The following VAPB variants were observed in gnomAD, a reference collection of about 807,000 sequenced individuals.
VAPB encodes the protein vesicle-associated membrane protein-associated protein B/C.
Under a neutral mutation model 25.6 loss-of-function variants are expected in VAPB, and 7 were observed. The observed-to-expected ratio is 0.27, with a 90% confidence interval of 0.16 to 0.51. The LOEUF (loss-of-function observed/expected upper bound fraction) is 0.51. Among genes scored for constraint, VAPB ranks in the 20% least tolerant of loss-of-function variants. The pLI is 0.97. For synonymous variants in VAPB, 112 were observed against 109.2 expected, an observed-to-expected ratio of 1.03 and a Z score of -0.16; for missense variants, 266 against 301.3, an observed-to-expected ratio of 0.88 and a Z score of 0.87.
chr20:58,435,323 A>G (rs1989018607), intron 3 of VAPB, among the ~76,000 whole-genome samples: 1 of 152,280 alleles, frequency 6.6e-6, no homozygotes, highest in African/African-American at 2.4e-5. Flanking sequence ...TTCCCTCCAA[A>G]ACGAGCTTTT....
At chr20:58,431,987 C>A (rs1189556046) in intron 2 of VAPB, among the ~76,000 whole-genome samples, 1 of 152,118 alleles carries the variant, frequency 6.6e-6, no homozygotes, top group Non-Finnish European at 1.5e-5. Context: ...AGTAAAGATT[C>A]TTTTCCTTTC....
intron 1 of VAPB, among the ~76,000 whole-genome samples, chr20:58,404,047 G>A (rs1228375008): frequency 6.6e-6 from 1 of 152,086 alleles, no homozygotes; most frequent in South Asian, 2.1e-4. Context: ...TTCCCTTCCA[G>A]ACTATTGTAG....
rs1043121802 is a variant in VAPB at position 58,446,893 on chromosome 20, C to G, written c.*2658C>G. The G allele has an allele frequency of 4.4e-6, 2 of 453,914 alleles. No homozygotes were observed. The highest frequency in any genetic ancestry group is 4.0e-5 in the African/African-American group (2 of 49,962). 28.1% of individuals were successfully genotyped at this position (453,914 alleles called of 1,614,324 possible). ...ATGCATGCACATTTAGGGTGTTTTC[C>G]CTAGAATTACATAATGAAAAAAAGA... On this transcript the variant is annotated 3_prime_UTR_variant, in exon 6 of 6. Coordinates refer to ENST00000475243, the MANE Select transcript of VAPB (RefSeq NM_004738.5).
chr20:58,438,893 ATTC>A (rs1989103246), intron 3 of VAPB, 49 bp from the exon 4 acceptor site: 1 of 1,465,474 alleles, frequency 6.8e-7, no homozygotes, highest in Admixed American at 1.7e-5. Flanking sequence ...GAAGAAAGTT[ATTC>A]TTCCAGCAGG....
At chr20:58,429,491 G>T (rs1272143815) in intron 2 of VAPB, among the ~76,000 whole-genome samples, 1 of 152,214 alleles carries the variant, frequency 6.6e-6, no homozygotes, top group Non-Finnish European at 1.5e-5. Context: ...TGGTAGGTAG[G>T]ATGTTCTAGG....
intron 1 of VAPB, among the ~76,000 whole-genome samples, chr20:58,415,979 A>C (rs1019429968): frequency 5.3e-5 from 8 of 152,198 alleles, no homozygotes; most frequent in African/African-American, 1.9e-4. Context: ...GTTCTTACAA[A>C]TATCTTGATT....
chr20:58,440,553 G>T, intron 4 of VAPB: 1 of 293,296 alleles, frequency 3.4e-6, no homozygotes, highest in South Asian at 3.2e-5. Flanking sequence ...TCACATCTTT[G>T]TGGTGACAGT....
chr20:58,404,113 TTG>T (rs1379699841), intron 1 of VAPB, among the ~76,000 whole-genome samples: 1 of 152,222 alleles, frequency 6.6e-6, no homozygotes, highest in Non-Finnish European at 1.5e-5. Flanking sequence ...CTCTCACCCT[TTG>T]GACTATACTT....
intron 2 of VAPB, among the ~76,000 whole-genome samples, chr20:58,433,807 T>C (rs1988980195): frequency 6.6e-6 from 1 of 152,252 alleles, no homozygotes; most frequent in Non-Finnish European, 1.5e-5. Flanking sequence ...TTTCCCTGCA[T>C]GTGAAGTTGT....
In VAPB at chr20:58,389,279, C is replaced by T. The variant is rs1167554137; in HGVS notation, c.-181C>T. ...GCGGCCTCGCCCTCGCCCTCCGCCC[C>T]TGCGCCTGCACCGCGTAGACCGACC... is the stretch of plus-strand genomic sequence containing the variant. On this transcript the variant is annotated 5_prime_UTR_variant, in exon 1 of 6. Coordinates refer to ENST00000475243, the MANE Select transcript of VAPB (RefSeq NM_004738.5). 7 of 717,570 alleles carry T rather than the reference C, an allele frequency of 9.8e-6. No homozygotes were observed. The highest frequency in any genetic ancestry group is 1.7e-5 in the Non-Finnish European group (7 of 407,766). 44.5% of individuals were successfully genotyped at this position (717,570 alleles called of 1,614,324 possible).
chr20:58,398,049 A>G (rs1988006027), intron 1 of VAPB, among the ~76,000 whole-genome samples: 1 of 152,222 alleles, frequency 6.6e-6, no homozygotes, highest in Non-Finnish European at 1.5e-5. Context: ...TCAGTTGAAA[A>G]TATTATAAGT....
chr20:58,389,640 C>T (rs1166081960), intron 1 of VAPB, 123 bp downstream of exon 1: 6 of 1,058,704 alleles, frequency 5.7e-6, no homozygotes, highest in Non-Finnish European at 7.6e-6. Context: ...TCGCGGGGGG[C>T]GGCGAGGCCG....
rs1401224134 is a variant in VAPB at position 58,445,806 on chromosome 20, A to G, written c.*1571A>G. The G allele has an allele frequency of 4.4e-6, 2 of 453,542 alleles. No individual in the cohort carries two copies. The highest frequency in any genetic ancestry group is 4.4e-6 in the Non-Finnish European group (1 of 226,740). 28.1% of individuals were successfully genotyped at this position (453,542 alleles called of 1,614,324 possible). On this transcript the variant is annotated 3_prime_UTR_variant, in exon 6 of 6. Coordinates refer to ENST00000475243, the MANE Select transcript of VAPB (RefSeq NM_004738.5). ...AGCACCTGGTCACCCTTGGCCTTCC[A>G]TTGCTTTGGCCTTCAGTAAAAAGCA...
intron 1 of VAPB, among the ~76,000 whole-genome samples, chr20:58,413,747 C>T (rs1409823345): frequency 1.5e-4 from 23 of 151,404 alleles, no homozygotes; most frequent in South Asian, 1.0e-3. Context: ...CGTCACCTCC[C>T]GGGTGGGGCC....
chr20:58,423,433 AAAAAAAAAAAAAAAAAG>A (rs1568711809), intron 2 of VAPB, among the ~76,000 whole-genome samples: 9 of 148,472 alleles, frequency 6.1e-5, no homozygotes, highest in Non-Finnish European at 1.5e-5. Context: ...AAAAAAAAAA[AAAAAAAAAAAAAAAAAG>A]AAAAGAAAAA....
chr20:58,442,874 C>T (rs1243711682), intron 5 of VAPB, among the ~76,000 whole-genome samples: 1 of 151,838 alleles, frequency 6.6e-6, no homozygotes. Context: ...CGGATGGGAG[C>T]GAATGGAAGG....
At chr20:58,430,508 C>T (rs1988903420) in intron 2 of VAPB, among the ~76,000 whole-genome samples, 1 of 152,182 alleles carries the variant, frequency 6.6e-6, no homozygotes, top group African/African-American at 2.4e-5. Flanking sequence ...GATCCACCCA[C>T]CTTGGCCTCC....
At chr20:58,432,717 G>A in intron 2 of VAPB, among the ~76,000 whole-genome samples, 1 of 152,144 alleles carries the variant, frequency 6.6e-6, no homozygotes, top group East Asian at 1.9e-4. Context: ...TTAGGGGCAG[G>A]AAAAAAACAC....
chr20:58,429,731 C>G (rs570188293), intron 2 of VAPB, among the ~76,000 whole-genome samples: 1 of 152,298 alleles, frequency 6.6e-6, no homozygotes, highest in Non-Finnish European at 1.5e-5. Flanking sequence ...GTGTAAATCT[C>G]CTTTCTCTTT....
Sources: allele counts gnomAD v4.1 joint callset (sites outside exome capture counted in the v4.1 genomes callset), GRCh38; gene constraint gnomAD v4.1.1; transcripts MANE v1.5; gene names NCBI Gene and HGNC (gene_info 2026-07-23, HGNC 2026-07-21).